CROCC: variants seen among roughly 807,000 people sequenced by gnomAD.
The protein encoded by CROCC is rootletin.
In CROCC, 180 loss-of-function variants were observed where a neutral mutation model predicts 245.2. The observed-to-expected ratio is 0.73, with a 90% CI of 0.65 to 0.83. The LOEUF (loss-of-function observed/expected upper bound fraction) is 0.83, where lower values mean the gene tolerates loss of function less well. CROCC is among the 40% of genes least tolerant of loss of function. The pLI is 0.00. For synonymous variants in CROCC, 1,205 were observed against 1,241.6 expected (o/e 0.97, Z 0.62); for missense variants, 2,688 against 2,779.4 (o/e 0.97, Z 0.74).
At chr1:16,947,468 C>CAATAAT (rs71006403) in intron 17 of CROCC, among the ~76,000 whole-genome samples, 16,841 of 139,514 alleles carry the variant, frequency 0.12, 7 homozygotes, top group East Asian at 0.23. Context: ...GACTCCGTCT[C>CAATAAT]AATAATAATA....
In CROCC at chr1:16,944,215, C is replaced by A. The variant is rs1283803747; in HGVS notation, c.1924C>A (p.Arg642=). The A allele has an allele frequency of 1.6e-5, 25 of 1,554,788 alleles. No homozygotes were observed. Among genetic ancestry groups the A allele is most frequent in the Non-Finnish European group, 2.1e-5 (24 of 1,149,262 alleles). ...AQEELRRQRD[R]LEEEQEDAVQ... is the part of the protein sequence containing the mutation. ...GGAGGAGCTGCGGCGCCAGCGGGACCGGCTGGAGGAAGAGCAGGAGGACGC... is the reference window on the plus strand; with the variant it reads ...GGAGGAGCTGCGGCGCCAGCGGGACAGGCTGGAGGAAGAGCAGGAGGACGC... The change falls in exon 14 of 37, where the codon CGG becomes AGG. Residue 642 remains arginine (R), a synonymous_variant. Transcript: ENST00000375541.
At chr1:16,967,029 A>G (rs2076429146) in intron 30 of CROCC, among the ~76,000 whole-genome samples, 1 of 150,508 alleles carries the variant, frequency 6.6e-6, no homozygotes, top group Non-Finnish European at 1.5e-5. Flanking sequence ...CACTCTAGCA[A>G]GGCAGAGTGA....
intron 32 of CROCC, 36 bp downstream of exon 32, chr1:16,969,376 TGAGA>T (rs759194871): frequency 1.3e-6 from 2 of 1,574,870 alleles, no homozygotes; most frequent in South Asian, 2.3e-5. Context: ...GTGGGCCCAG[TGAGA>T]GAGTCAGCCA....
At position 16,948,793 on chromosome 1, in the gene CROCC, C is replaced by T. The variant is rs780791803; in HGVS notation, c.2709-6C>T. On this transcript the variant is annotated splice_polypyrimidine_tract_variant and splice_region_variant and intron_variant, in intron 18 of 36. Coordinates refer to ENST00000375541, the MANE Select transcript of CROCC (RefSeq NM_014675.5). Reference sequence around the variant, plus strand: ...CCCAGGGCCTCAGGGACTGTATGTGCTGCAGCTTGGAGAAGGAAGCCCTGG... The same window carrying T: ...CCCAGGGCCTCAGGGACTGTATGTGTTGCAGCTTGGAGAAGGAAGCCCTGG... 1.2e-6 allele frequency: 2 copies of T among 1,611,554 alleles called. No homozygotes were observed. The highest frequency in any genetic ancestry group is 2.2e-5 in the South Asian group (2 of 90,966).
chr1:16,921,721 T>C (rs1380254035), upstream of CROCC, among the ~76,000 whole-genome samples: 4 of 152,192 alleles, frequency 2.6e-5, no homozygotes, highest in Admixed American at 6.5e-5. Flanking sequence ...TGTTTCCTCC[T>C]CCCATTCCCT....
chr1:16,965,719 C>G lies in CROCC; in HGVS notation c.4406-4C>G. ...TCACTGAGCAAGTCTTCTTTCTCTT[C>G]TAGGAAGCGGGGAAGGGCTCAACAG... On this transcript the variant is annotated splice_polypyrimidine_tract_variant and splice_region_variant and intron_variant, in intron 27 of 36. Transcript: ENST00000375541. The G allele has an allele frequency of 2.5e-6, 4 of 1,599,304 alleles. No individual in the cohort carries two copies. Among genetic ancestry groups the G allele is most frequent in the Non-Finnish European group, 3.4e-6 (4 of 1,167,524 alleles).
intron 10 of CROCC, among the ~76,000 whole-genome samples, chr1:16,937,988 G>A (rs2075829793): frequency 6.6e-6 from 1 of 152,276 alleles, no homozygotes; most frequent in Non-Finnish European, 1.5e-5. Context: ...GGTAATGCTT[G>A]TCCAGTCTCA....
At position 16,972,542 on chromosome 1, in the gene CROCC, G is replaced by T. The variant is rs910043174; in HGVS notation, c.*96G>T. 1 of 810,138 alleles carries T rather than the reference G, an allele frequency of 1.2e-6. No homozygotes were observed. Among genetic ancestry groups the T allele is most frequent in the Non-Finnish European group, 1.9e-6 (1 of 526,952 alleles). 50.2% of individuals were successfully genotyped at this position (810,138 alleles called of 1,614,324 possible). A position where few individuals can be genotyped will look rare whatever the true frequency, so the allele number is the denominator to read the frequency against. ...CCACCCAGAGCCCGGTCCCTTGGGG[G>T]CCTCAAGCTGGGGTGGGATGAGGAG... On this transcript the variant is annotated 3_prime_UTR_variant, in exon 37 of 37. Coordinates refer to ENST00000375541, the MANE Select transcript of CROCC (RefSeq NM_014675.5).
chr1:16,952,969 C>G, intron 20 of CROCC: 1 of 257,450 alleles, frequency 3.9e-6, no homozygotes, highest in Non-Finnish European at 7.7e-6. Context: ...CTCACCATGT[C>G]CCGTTCCCCT....
At position 16,924,377 on chromosome 1, in the gene CROCC, C is replaced by T. The variant is rs539984563; in HGVS notation, c.249C>T (p.Asn83=). Residue 83 remains asparagine, a synonymous_variant, in exon 3 of 37, where the codon AAC becomes AAT. Coordinates refer to ENST00000375541, the MANE Select transcript of CROCC (RefSeq NM_014675.5). Reference sequence around the variant, plus strand: ...CGCTGCTGTCGCTGCAGGAGGAGAACCAGCTGCTGCAGCAGGAGCTGTCCC... The same window carrying T: ...CGCTGCTGTCGCTGCAGGAGGAGAATCAGCTGCTGCAGCAGGAGCTGTCCC... ...MASLLSLQEE[N]QLLQQELSRV... 25 of 1,613,284 alleles carry T rather than the reference C, an allele frequency of 1.5e-5. No homozygotes were observed. The East Asian group carries it at 3.8e-4, about 24-fold the overall frequency.
rs902257427 is a variant in CROCC, at chr1:16,956,160, C to T, written c.3864+4C>T. ...GCTGCAGGAGCTCCGGCGTCAGGTACTCTCCCTGTGCCACCCCTTAGCCTG... is the reference window on the plus strand; with the variant it reads ...GCTGCAGGAGCTCCGGCGTCAGGTATTCTCCCTGTGCCACCCCTTAGCCTG... On this transcript the variant is annotated splice_donor_region_variant and intron_variant, in intron 25 of 36. Coordinates refer to ENST00000375541, the MANE Select transcript of CROCC (RefSeq NM_014675.5). 1.3e-6 allele frequency: 2 copies of T among 1,537,286 alleles called. No homozygotes were observed. Among genetic ancestry groups the T allele is most frequent in the African/African-American group, 2.7e-5 (2 of 72,870 alleles).
chr1:16,940,138 C>T (rs1460295943), intron 13 of CROCC, 45 bp downstream of exon 13: 11 of 1,551,328 alleles, frequency 7.1e-6, no homozygotes, highest in Non-Finnish European at 8.7e-6. Context: ...AATAAGTCAC[C>T]GTCTGGGCAT....
rs537096044 is a variant in CROCC at position 16,961,123 on chromosome 1, C to G, written c.4398C>G (p.Pro1466=). The G allele has an allele frequency of 8.2e-4, 1,102 of 1,349,670 alleles. 7 individuals carry two copies. The African/African-American group carries it at 0.011, about 13-fold the overall frequency. 83.6% of individuals were successfully genotyped at this position (1,349,670 alleles called of 1,614,324 possible). A position where few individuals can be genotyped will look rare whatever the true frequency, so the allele number is the denominator to read the frequency against. Residue 1466 remains proline (P), a synonymous_variant, in exon 27 of 37, where the codon CCC becomes CCG. Transcript: ENST00000375541. ...CCGGTTCCCCTGCCCGGGACGCACC[C>G]GCAGAAGGTAAGGGCAGTGCCGCGC... ...PVPGSPARDA[P]AEGSGEGLNS...
At chr1:16,914,980 G>A (rs1292845883) in intron 1 of CROCC, among the ~76,000 whole-genome samples, 7 of 152,262 alleles carry the variant, frequency 4.6e-5, no homozygotes, top group Non-Finnish European at 7.3e-5. Context: ...ATCTTGTGGC[G>A]GGAGCAGACG....
chr1:16,954,315 G>T lies in CROCC; in HGVS notation c.3279G>T (p.Glu1093Asp), dbSNP rs2076213052. The T allele has an allele frequency of 3.1e-6, 5 of 1,612,026 alleles. No homozygotes were observed. The highest frequency in any genetic ancestry group is 4.2e-6 in the Non-Finnish European group (5 of 1,179,964). ...TGGCCACCATCTCCCTGGAGATGGAGCGGCAGAAACGAGATGCCCAGAGCC... is the reference window on the plus strand; with the variant it reads ...TGGCCACCATCTCCCTGGAGATGGATCGGCAGAAACGAGATGCCCAGAGCC... ...HSLATISLEM[E>D]RQKRDAQSRQ... is the part of the protein sequence containing the mutation. The change falls in exon 22 of 37, where the codon GAG becomes GAT. Residue 1093 changes from glutamate to aspartate, a missense_variant. This residue lies in a region of CROCC where 32 missense variants were observed against 54.1 expected (regional missense o/e 0.59). Coordinates refer to ENST00000375541, the MANE Select transcript of CROCC (RefSeq NM_014675.5). This position sits in a 1 kb window ranked among gnomAD's most constrained non-coding sequence, Gnocchi z 4.4.
intron 3 of CROCC, among the ~76,000 whole-genome samples, chr1:16,929,102 C>T (rs1430356036): frequency 1.3e-5 from 2 of 152,278 alleles, no homozygotes; most frequent in Non-Finnish European, 2.9e-5. Context: ...GCTGGGATCA[C>T]AGGCATGAGC....
upstream of CROCC, among the ~76,000 whole-genome samples, chr1:16,918,302 T>A (rs1464179469): frequency 1.1e-4 from 5 of 44,328 alleles, no homozygotes; most frequent in African/African-American, 5.6e-4. Context: ...AATTCAGTCT[T>A]TTTTTTTTTT....
chr1:16,929,350 T>C (rs1401501178), intron 3 of CROCC, among the ~76,000 whole-genome samples: 1 of 152,272 alleles, frequency 6.6e-6, no homozygotes, highest in African/African-American at 2.4e-5. Context: ...ATTAATTCAC[T>C]ATCGCAACAA....
At chr1:16,967,396 C>T (rs544284473) in intron 30 of CROCC, among the ~76,000 whole-genome samples, 12 of 152,314 alleles carry the variant, frequency 7.9e-5, no homozygotes, top group East Asian at 1.9e-4. Context: ...CCACCACCCC[C>T]GCCCCCAAGG....
Sources: allele counts gnomAD v4.1 joint callset (sites outside exome capture counted in the v4.1 genomes callset), GRCh38; gene constraint gnomAD v4.1.1; regional missense constraint gnomAD v4.1.1; non-coding constraint Gnocchi (gnomAD v3.1); transcripts MANE v1.5; gene names NCBI Gene and HGNC (gene_info 2026-07-23, HGNC 2026-07-21).